PCSK2: variants seen among roughly 807,000 people sequenced by gnomAD.
The protein encoded by PCSK2 is neuroendocrine convertase 2.
Under a neutral mutation model 69.7 loss-of-function variants are expected in PCSK2, and 14 were observed. The observed-to-expected ratio is 0.20, with a 90% CI of 0.13 to 0.31. The LOEUF is 0.31. PCSK2 is among the 10% of genes least tolerant of loss of function. PCSK2 has a pLI of 1.00. For synonymous variants in PCSK2, 307 were observed against 320.7 expected (o/e 0.96, Z 0.46); for missense variants, 544 against 842.5 (o/e 0.65, Z 4.39).
chr20:17,291,916 CT>C (rs1338852857), intron 2 of PCSK2, among the ~76,000 whole-genome samples: 1 of 152,158 alleles, frequency 6.6e-6, no homozygotes, highest in Non-Finnish European at 1.5e-5. Context: ...TGAAACTCTA[CT>C]GTCACATCCC....
chr20:17,247,378 G>C (rs1986808680), intron 1 of PCSK2, among the ~76,000 whole-genome samples: 1 of 152,218 alleles, frequency 6.6e-6, no homozygotes, highest in African/African-American at 2.4e-5. Context: ...AACTGAGCCA[G>C]TTTTCAATCC....
At chr20:17,384,037 T>C (rs1360062092) in intron 5 of PCSK2, among the ~76,000 whole-genome samples, 4 of 152,202 alleles carry the variant, frequency 2.6e-5, no homozygotes, top group Admixed American at 6.5e-5. Flanking sequence ...GTAATTAATA[T>C]TGACACTGTG....
chr20:17,369,298 G>C (rs1241566166), intron 5 of PCSK2, 21 bp downstream of exon 5: 8 of 1,608,436 alleles, frequency 5.0e-6, no homozygotes, highest in Non-Finnish European at 6.0e-6. Context: ...GCCAACTTTG[G>C]TGGGGAAACA....
chr20:17,423,971 A>G lies in PCSK2; in HGVS notation c.621-5464A>G, dbSNP rs1166223904. On this transcript the variant is annotated intron_variant, in intron 6 of 11. Transcript: ENST00000262545. ...TCAACAATGATCAATGTTGAAAAGG[A>G]TTGAGCAACAGGATTGCTCACACCT... 1.1e-4 allele frequency among the ~76,000 whole-genome samples: 16 copies of G among 152,348 alleles called. No homozygotes were observed. The South Asian group carries it at 3.3e-3, about 32-fold the overall frequency.
At chr20:17,276,923 A>G (rs1988101998) in intron 2 of PCSK2, among the ~76,000 whole-genome samples, 1 of 152,156 alleles carries the variant, frequency 6.6e-6, no homozygotes, top group South Asian at 2.1e-4. Flanking sequence ...ATACACCAAC[A>G]ACAGACAAAC....
Position 17,481,933 on chromosome 20 carries a change from A to G in PCSK2, c.1780A>G (p.Thr594Ala). The change falls in exon 12 of 12, where the codon ACT (threonine) becomes GCT (alanine). Residue 594 changes from threonine (T) to alanine (A), a missense_variant. By Grantham distance (58) the Thr-to-Ala change is moderately conservative (BLOSUM62 0). This residue lies in a region of PCSK2 where 200 missense variants were observed against 287.8 expected (regional missense o/e 0.69). Transcript: ENST00000262545. ...GGAGTGGACCCTGATGCTGCATGGC[A>G]CTCAGAGTGCCCCGTACATCGACCA... is the stretch of plus-strand genomic sequence containing the variant. ...LKEWTLMLHG[T>A]QSAPYIDQVV... is the part of the protein sequence containing the mutation. 1.2e-6 allele frequency: 2 copies of G among 1,613,596 alleles called. No individual in the cohort carries two copies. Among genetic ancestry groups the G allele is most frequent in the South Asian group, 2.2e-5 (2 of 91,062 alleles).
intron 11 of PCSK2, among the ~76,000 whole-genome samples, chr20:17,468,013 C>T (rs1369455817): frequency 3.3e-5 from 5 of 152,192 alleles, no homozygotes; most frequent in Non-Finnish European, 7.4e-5. Flanking sequence ...GATTCCCATC[C>T]TCCCATGGGC....
At chr20:17,386,952 A>G (rs1359480834) in intron 5 of PCSK2, among the ~76,000 whole-genome samples, 1 of 152,162 alleles carries the variant, frequency 6.6e-6, no homozygotes, top group Admixed American at 6.5e-5. Flanking sequence ...CCCTGCCCTC[A>G]GTGTAATCAG....
chr20:17,227,457 C>A lies in PCSK2; in HGVS notation c.152C>A (p.Ala51Glu), dbSNP rs752788983. 1.9e-6 allele frequency: 3 copies of A among 1,613,858 alleles called. No homozygotes were observed. Among genetic ancestry groups the A allele is most frequent in the Non-Finnish European group, 2.5e-6 (3 of 1,179,910 alleles). The change falls in exon 1 of 12, where the codon GCA becomes GAA. Residue 51 changes from alanine to glutamate, a missense_variant. Ala to Glu is a moderately radical substitution (Grantham distance 107). This residue lies in a region of PCSK2 where 157 missense variants were observed against 155.0 expected (regional missense o/e 1.01). Coordinates refer to ENST00000262545, the MANE Select transcript of PCSK2 (RefSeq NM_002594.5). ...GGEDKARQVA[A>E]EHGFGVRKLP... Reference sequence around the variant, plus strand: ...GAGGACAAAGCTCGCCAAGTTGCAGCAGAACACGGCTTTGGAGTCCGAAAG... The same window carrying A: ...GAGGACAAAGCTCGCCAAGTTGCAGAAGAACACGGCTTTGGAGTCCGAAAG...
intron 2 of PCSK2, among the ~76,000 whole-genome samples, chr20:17,273,370 T>C (rs1272347348): frequency 6.6e-6 from 1 of 152,152 alleles, no homozygotes; most frequent in Non-Finnish European, 1.5e-5. Context: ...TCCAAATGAC[T>C]GGAAATAAAT....
chr20:17,405,268 T>C (rs554937360), intron 5 of PCSK2, among the ~76,000 whole-genome samples: 30 of 152,316 alleles, frequency 2.0e-4, no homozygotes, highest in African/African-American at 5.1e-4. Context: ...TTCCTTCCCC[T>C]ACATCAAGCT....
At chr20:17,290,597 G>C (rs571245899) in intron 2 of PCSK2, among the ~76,000 whole-genome samples, 4 of 152,192 alleles carry the variant, frequency 2.6e-5, no homozygotes, top group Non-Finnish European at 5.9e-5. Context: ...ACTCTCAAGA[G>C]ACAGTAGCAC....
In PCSK2 at chr20:17,313,961, A is replaced by G. The variant is rs1989597634; in HGVS notation, c.283-44366A>G. The stretch of plus-strand genomic sequence containing the variant: ...AAAACCTCCATTTCTCAGCCAGGAT[A>G]GCACTCCATTAATGATGTGCTTTTG... On this transcript the variant is annotated intron_variant, in intron 2 of 11. Coordinates refer to ENST00000262545, the MANE Select transcript of PCSK2 (RefSeq NM_002594.5). Among the ~76,000 whole-genome samples, 3 of 152,180 alleles carry G rather than the reference A, an allele frequency of 2.0e-5. No homozygotes were observed. The South Asian group carries it at 6.2e-4, about 32-fold the overall frequency.
chr20:17,300,654 GT>G (rs1367509487), intron 2 of PCSK2, among the ~76,000 whole-genome samples: 1 of 152,072 alleles, frequency 6.6e-6, no homozygotes, highest in African/African-American at 2.4e-5. Context: ...TTATGTCTCA[GT>G]TTTTATAGTG....
intron 2 of PCSK2, among the ~76,000 whole-genome samples, chr20:17,283,945 A>G (rs2123051501): frequency 6.6e-6 from 1 of 152,344 alleles, no homozygotes; most frequent in African/African-American, 2.4e-5. Flanking sequence ...TTGTCATTGC[A>G]GGAGCCATGG....
At chr20:17,253,093 C>G (rs1447804725) in intron 1 of PCSK2, among the ~76,000 whole-genome samples, 2 of 152,124 alleles carry the variant, frequency 1.3e-5, no homozygotes, top group Non-Finnish European at 2.9e-5. Flanking sequence ...TGTTCATAAT[C>G]TACGACTTAG....
At chr20:17,251,073 C>T (rs180952851) in intron 1 of PCSK2, among the ~76,000 whole-genome samples, 8 of 151,960 alleles carry the variant, frequency 5.3e-5, no homozygotes, top group African/African-American at 1.9e-4. Flanking sequence ...GCACTCCAGC[C>T]TGGGCAAAAA....
At chr20:17,274,430 C>A (rs180836542) in intron 2 of PCSK2, among the ~76,000 whole-genome samples, 1 of 152,142 alleles carries the variant, frequency 6.6e-6, no homozygotes, top group African/African-American at 2.4e-5. Flanking sequence ...TCTGGTAGAA[C>A]GTGGTGGGAG....
chr20:17,241,794 G>A (rs1309371880), intron 1 of PCSK2, among the ~76,000 whole-genome samples: 1 of 152,140 alleles, frequency 6.6e-6, no homozygotes, highest in East Asian at 1.9e-4. Flanking sequence ...AACAAATCCC[G>A]TAACTTAGAA....
Sources: gnomAD v4.1 joint callset for allele counts (sites outside exome capture counted in the v4.1 genomes callset) on GRCh38, gnomAD v4.1.1 for gene constraint, gnomAD v4.1.1 regional missense constraint, MANE v1.5 for transcripts, NCBI Gene and HGNC (gene_info 2026-07-23, HGNC 2026-07-21) for gene names.